The following LRCH1 variants were observed in gnomAD, a reference collection of about 807,000 sequenced individuals.
LRCH1 encodes leucine-rich repeat and calponin homology domain-containing protein 1.
In LRCH1, 23 loss-of-function variants were observed where a neutral mutation model predicts 94.9. The ratio of observed to expected loss-of-function variants is 0.24; its 90% confidence interval spans 0.17 to 0.34. LRCH1 has a LOEUF of 0.34. LRCH1 is among the 10% of genes least tolerant of loss of function. LRCH1 has a pLI of 1.00. For synonymous variants in LRCH1, 364 were observed against 354.9 expected (o/e 1.03, Z -0.29); for missense variants, 790 against 945.9 (o/e 0.84, Z 2.16).
intron 1 of LRCH1, among the ~76,000 whole-genome samples, chr13:46,641,075 C>T (rs560831201): frequency 4.6e-5 from 7 of 152,214 alleles, no homozygotes; most frequent in South Asian, 2.1e-4. Context: ...GTAGCACTCC[C>T]TTACTGGGGG....
At chr13:46,729,123 A>G (rs1228284323) in intron 18 of LRCH1, 139 bp downstream of exon 18, 13 of 700,156 alleles carry the variant, frequency 1.9e-5, no homozygotes, top group Non-Finnish European at 1.1e-5. Flanking sequence ...TAAGGCAGAA[A>G]AGGAATGAAA....
intron 1 of LRCH1, among the ~76,000 whole-genome samples, chr13:46,619,100 C>CTTCCTTCT (rs2050848592): frequency 1.3e-5 from 1 of 76,114 alleles, no homozygotes; most frequent in African/African-American, 9.3e-5. Context: ...TCCTTCCTTC[C>CTTCCTTCT]TTCCTTCCTT....
At chr13:46,746,188 A>G (rs1480129304), downstream of LRCH1, among the ~76,000 whole-genome samples, 3 of 151,836 alleles carry the variant, frequency 2.0e-5, no homozygotes, top group African/African-American at 7.3e-5. Flanking sequence ...AGTTACTTGA[A>G]CTCTCTCTCT....
intron 3 of LRCH1, among the ~76,000 whole-genome samples, chr13:46,678,573 A>T (rs574101116): frequency 6.6e-6 from 1 of 152,212 alleles, no homozygotes; most frequent in Non-Finnish European, 1.5e-5. Flanking sequence ...GTGAATGGAC[A>T]ATTGGACTTT....
chr13:46,710,147 T>G (rs945996303), intron 13 of LRCH1, among the ~76,000 whole-genome samples: 5 of 152,082 alleles, frequency 3.3e-5, no homozygotes, highest in African/African-American at 1.2e-4. Context: ...TTTTTAATTG[T>G]GGGGGTAAGA....
intron 1 of LRCH1, among the ~76,000 whole-genome samples, chr13:46,596,034 A>C (rs2050559169): frequency 6.6e-6 from 1 of 152,244 alleles, no homozygotes. Flanking sequence ...AAATACAAGT[A>C]ACCAGTTTTG....
At chr13:46,628,528 G>A (rs1006671500) in intron 1 of LRCH1, among the ~76,000 whole-genome samples, 11 of 151,898 alleles carry the variant, frequency 7.2e-5, no homozygotes, top group Non-Finnish European at 1.2e-4. Flanking sequence ...GTGGTGGCAC[G>A]CACCAGTAGT....
At chr13:46,609,278 T>C (rs1566174081) in intron 1 of LRCH1, among the ~76,000 whole-genome samples, 3 of 152,192 alleles carry the variant, frequency 2.0e-5, no homozygotes, top group Admixed American at 6.5e-5. Flanking sequence ...GACAGAGTTA[T>C]AGGGTTTTTG....
At chr13:46,654,777 T>C (rs2051350317) in intron 2 of LRCH1, among the ~76,000 whole-genome samples, 1 of 152,198 alleles carries the variant, frequency 6.6e-6, no homozygotes, top group Admixed American at 6.5e-5. Flanking sequence ...TCTGATTTTA[T>C]AAACAAGTAC....
exon 19 of LRCH1, chr13:46,750,925 A>G (rs1231330942): frequency 3.7e-6 from 1 of 273,008 alleles, no homozygotes; most frequent in Non-Finnish European, 6.9e-6. Context: ...ACCCTCCTTC[A>G]TCCTTTCCAC....
At chr13:46,646,097 G>A (rs2051217875) in intron 1 of LRCH1, among the ~76,000 whole-genome samples, 1 of 152,064 alleles carries the variant, frequency 6.6e-6, no homozygotes, top group African/African-American at 2.4e-5. Context: ...GAGACTTCTG[G>A]AATTCTTTTC....
chr13:46,593,581 G>A (rs1447552316), intron 1 of LRCH1, among the ~76,000 whole-genome samples: 1 of 152,186 alleles, frequency 6.6e-6, no homozygotes, highest in Non-Finnish European at 1.5e-5. Flanking sequence ...TATGTTTTGA[G>A]TAAATTTGTT....
At chr13:46,691,815 T>C (rs1870910993) in intron 7 of LRCH1, among the ~76,000 whole-genome samples, 1 of 152,118 alleles carries the variant, frequency 6.6e-6, no homozygotes, top group African/African-American at 2.4e-5. Context: ...TCAGCCTCCC[T>C]TATAGCTAGG....
intron 1 of LRCH1, among the ~76,000 whole-genome samples, chr13:46,646,228 G>A (rs1000522414): frequency 2.6e-5 from 4 of 152,148 alleles, no homozygotes; most frequent in Admixed American, 6.5e-5. Context: ...GAAATTCTTC[G>A]TGTAGAGAAA....
chr13:46,601,503 G>A (rs925760273), intron 1 of LRCH1, among the ~76,000 whole-genome samples: 2 of 152,184 alleles, frequency 1.3e-5, no homozygotes, highest in Non-Finnish European at 2.9e-5. Flanking sequence ...TAGATCATAG[G>A]TACATAGGTG....
At chr13:46,707,454 A>G (rs1871823752) in intron 13 of LRCH1, among the ~76,000 whole-genome samples, 1 of 152,092 alleles carries the variant, frequency 6.6e-6, no homozygotes, top group Non-Finnish European at 1.5e-5. Context: ...ATATAAGTCC[A>G]TTTCTCCACC....
At chr13:46,657,206 ATT>A (rs2051380247) in intron 2 of LRCH1, among the ~76,000 whole-genome samples, 1 of 151,786 alleles carries the variant, frequency 6.6e-6, no homozygotes, top group African/African-American at 2.4e-5. Context: ...CAATATATAT[ATT>A]GTCAAAGTTT....
intron 16 of LRCH1, chr13:46,717,692 A>T (rs529241994): frequency 7.2e-5 from 11 of 152,244 alleles, no homozygotes; most frequent in Non-Finnish European, 1.2e-4. Flanking sequence ...AGCTCAACCT[A>T]ACATAATGTA....
In LRCH1 at chr13:46,655,187, T is replaced by C. The variant is rs143021071; in HGVS notation, c.452+4842T>C. ...TATGATGGTGGCGGTGGTGGTGATA[T>C]GTCACTCCCTAACCAGCTTCTTGGC... On this transcript the variant is annotated intron_variant, in intron 2 of 19. Transcript: ENST00000389797. Among the ~76,000 whole-genome samples, 255 of 152,282 alleles carry C rather than the reference T, an allele frequency of 1.7e-3. 2 individuals carry two copies. The highest frequency in any genetic ancestry group is 6.0e-3 in the African/African-American group (250 of 41,582).
Sources: gnomAD v4.1 joint callset for allele counts (sites outside exome capture counted in the v4.1 genomes callset) on GRCh38, gnomAD v4.1.1 for gene constraint, MANE v1.5 for transcripts, NCBI Gene and HGNC (gene_info 2026-07-23, HGNC 2026-07-21) for gene names.